Variants in STPG2 observed in about 807,000 individuals in gnomAD.
The protein encoded by STPG2 is sperm-tail PG-rich repeat-containing protein 2.
STPG2 carries 56 observed loss-of-function variants against 54.2 expected under a neutral mutation model. That is an observed-to-expected ratio of 1.03 (90% CI 0.83 to 1.29). STPG2 has a LOEUF of 1.29. STPG2 is among the 50% of genes most tolerant of loss of function. STPG2 has a pLI of 0.00. For synonymous variants in STPG2, 200 were observed against 181.8 expected (o/e 1.10, Z -0.81); for missense variants, 596 against 544.9 (o/e 1.09, Z -0.93).
At chr4:97,767,010 T>G (rs1192770081) in intron 9 of STPG2, among the ~76,000 whole-genome samples, 1 of 152,080 alleles carries the variant, frequency 6.6e-6, no homozygotes, top group Non-Finnish European at 1.5e-5. Flanking sequence ...TGAACAAGAT[T>G]TTCTATATGT....
intron 5 of STPG2, among the ~76,000 whole-genome samples, chr4:98,067,893 A>G (rs1429282511): frequency 1.3e-5 from 2 of 152,156 alleles, no homozygotes; most frequent in Non-Finnish European, 2.9e-5. Flanking sequence ...ATATTTTTCT[A>G]TCATTATCCC....
intron 10 of STPG2, among the ~76,000 whole-genome samples, chr4:97,590,470 G>A (rs903380208): frequency 2.0e-5 from 3 of 152,142 alleles, no homozygotes; most frequent in East Asian, 1.9e-4. Flanking sequence ...CATCGAGGTC[G>A]TTTGTCCTAA....
chr4:97,683,032 A>G (rs1253168684), intron 10 of STPG2, among the ~76,000 whole-genome samples: 1 of 151,798 alleles, frequency 6.6e-6, no homozygotes, highest in Non-Finnish European at 1.5e-5. Flanking sequence ...TACCCTATCT[A>G]TAAGCTAGTA....
At chr4:97,702,713 G>A (rs950282569) in intron 10 of STPG2, among the ~76,000 whole-genome samples, 3 of 152,106 alleles carry the variant, frequency 2.0e-5, no homozygotes, top group African/African-American at 4.8e-5. Context: ...AGCTTCACCA[G>A]AGTTTACAAG....
At chr4:97,540,289 G>C (rs1163902166) in intron 4 of STPG2, among the ~76,000 whole-genome samples, 1 of 151,638 alleles carries the variant, frequency 6.6e-6, no homozygotes, top group Non-Finnish European at 1.5e-5. Context: ...ATGATAAAGG[G>C]GATATCACCA....
rs185614816 is a variant in STPG2, at chr4:98,125,441, G to C, written c.387+2987C>G. ...CAGGGCCCTCCTCTGTAGGGCTGCAGTTTTCTGGGGGTCCACACCCTATTT... is the reference window on the plus strand; with the variant it reads ...CAGGGCCCTCCTCTGTAGGGCTGCACTTTTCTGGGGGTCCACACCCTATTT... On this transcript the variant is annotated intron_variant, in intron 3 of 10. Coordinates refer to ENST00000295268, the MANE Select transcript of STPG2 (RefSeq NM_174952.3). 5.3e-4 allele frequency among the ~76,000 whole-genome samples: 81 copies of C among 152,240 alleles called. No homozygotes were observed. In the East Asian group the frequency reaches 0.013, roughly 25 times the overall value.
At chr4:97,938,412 C>T (rs1312750834) in intron 8 of STPG2, among the ~76,000 whole-genome samples, 2 of 105,914 alleles carry the variant, frequency 1.9e-5, no homozygotes, top group Non-Finnish European at 4.2e-5. Context: ...ATCCCTCCCT[C>T]GGGGAGCTCA....
chr4:97,566,817 G>A (rs1362804249), intron 10 of STPG2, among the ~76,000 whole-genome samples: 1 of 147,918 alleles, frequency 6.8e-6, no homozygotes. Context: ...TCACTCATAG[G>A]TAGGAACTGA....
chr4:97,980,193 A>AT (rs1734627986), intron 6 of STPG2, among the ~76,000 whole-genome samples: 1 of 152,068 alleles, frequency 6.6e-6, no homozygotes, highest in Admixed American at 6.6e-5. Flanking sequence ...TGCCTCAAAA[A>AT]TTTTTTTAAA....
chr4:97,488,277 CA>C (rs1730420441), intron 4 of STPG2, among the ~76,000 whole-genome samples: 1 of 151,654 alleles, frequency 6.6e-6, no homozygotes, highest in African/African-American at 2.4e-5. Flanking sequence ...CAAAGTACTT[CA>C]GGCTATTTTC....
intron 10 of STPG2, among the ~76,000 whole-genome samples, chr4:97,607,863 T>C (rs997584808): frequency 8.6e-5 from 13 of 151,864 alleles, no homozygotes; most frequent in Admixed American, 6.6e-5. Flanking sequence ...GTCATGAAAA[T>C]AGAGGTTTAG....
chr4:98,097,105 C>T (rs1738884571), intron 5 of STPG2, among the ~76,000 whole-genome samples: 1 of 152,148 alleles, frequency 6.6e-6, no homozygotes. Context: ...GAAGAGATTA[C>T]TTCCAAACTC....
intron 5 of STPG2, among the ~76,000 whole-genome samples, chr4:98,100,597 G>A (rs10010212): frequency 0.061 from 9,209 of 150,550 alleles, 305 homozygotes; most frequent in Middle Eastern, 0.096. Context: ...GAAATGGAGT[G>A]AAGCTATTAG....
intron 4 of STPG2, among the ~76,000 whole-genome samples, chr4:97,507,964 C>T (rs117445983): frequency 1.3e-5 from 2 of 151,900 alleles, no homozygotes; most frequent in African/African-American, 2.4e-5. Flanking sequence ...AATCTTTAGC[C>T]GCCCGCTACT....
intron 8 of STPG2, among the ~76,000 whole-genome samples, chr4:97,853,131 C>T (rs559254296): frequency 1.5e-4 from 23 of 151,828 alleles, no homozygotes; most frequent in African/African-American, 5.5e-4. Flanking sequence ...CACCCGCCAC[C>T]GCGCCCAGCT....
At chr4:97,601,453 C>T (rs1230519464) in intron 10 of STPG2, among the ~76,000 whole-genome samples, 1 of 151,912 alleles carries the variant, frequency 6.6e-6, no homozygotes, top group Non-Finnish European at 1.5e-5. Context: ...TTGATTTTTG[C>T]ATATGGCATG....
chr4:97,840,633 C>T (rs1728768139), intron 9 of STPG2, 140 bp downstream of exon 9: 5 of 875,178 alleles, frequency 5.7e-6, no homozygotes, highest in African/African-American at 1.7e-5. Context: ...TGTTACAGCA[C>T]TGATGAGAAA....
intron 8 of STPG2, among the ~76,000 whole-genome samples, chr4:97,867,985 T>C (rs1235823132): frequency 2.0e-5 from 3 of 151,996 alleles, no homozygotes; most frequent in African/African-American, 7.2e-5. Context: ...GGGTTTTATT[T>C]TTTAAAAGAA....
chr4:97,448,095 T>C (rs548213845), intron 4 of STPG2, among the ~76,000 whole-genome samples: 3 of 152,322 alleles, frequency 2.0e-5, no homozygotes, highest in East Asian at 3.9e-4. Context: ...CAGACTCACA[T>C]GGGGCTTATA....
Sources: allele counts gnomAD v4.1 joint callset (sites outside exome capture counted in the v4.1 genomes callset), GRCh38; gene constraint gnomAD v4.1.1; transcripts MANE v1.5; gene names NCBI Gene and HGNC (gene_info 2026-07-23, HGNC 2026-07-21).